The following RUNX1 variants were observed in gnomAD, a reference collection of about 807,000 sequenced individuals.
RUNX1 encodes RUNX family transcription factor 1.
Under a neutral mutation model 42.8 loss-of-function variants are expected in RUNX1, and 19 were observed. The observed-to-expected ratio is 0.44, with a 90% CI of 0.31 to 0.65. The LOEUF (loss-of-function observed/expected upper bound fraction) is 0.65. Ranked by LOEUF, RUNX1 falls within the 30% of genes least tolerant of loss-of-function variation. RUNX1 has a pLI of 0.07. For missense variants in RUNX1, 528 were observed against 672.0 expected (o/e 0.79, Z 2.37); for synonymous variants, 271 against 289.4 (o/e 0.94, Z 0.64).
At chr21:34,957,119 C>T (rs1183864510) in intron 2 of RUNX1, among the ~76,000 whole-genome samples, 1 of 152,216 alleles carries the variant, frequency 6.6e-6, no homozygotes, top group Non-Finnish European at 1.5e-5. Context: ...TGATGCTCAC[C>T]TGACGCATGG....
intron 2 of RUNX1, among the ~76,000 whole-genome samples, chr21:35,032,865 G>A (rs1414165299): frequency 6.6e-6 from 1 of 152,222 alleles, no homozygotes; most frequent in South Asian, 2.1e-4. Context: ...TATGTGAGAG[G>A]AGATCAGTGT....
intron 2 of RUNX1, among the ~76,000 whole-genome samples, chr21:34,998,777 G>A (rs370403666): frequency 1.8e-4 from 27 of 152,234 alleles, no homozygotes; most frequent in East Asian, 9.7e-4. Context: ...TCCTGACCTC[G>A]TGATCCGCCC....
At chr21:34,961,790 T>G (rs537428395) in intron 2 of RUNX1, among the ~76,000 whole-genome samples, 48 of 152,362 alleles carry the variant, frequency 3.2e-4, no homozygotes, top group African/African-American at 1.1e-3. Context: ...TGTTGAAGGA[T>G]TGATTCCTAT....
chr21:34,995,554 C>T (rs1030158217), intron 2 of RUNX1, among the ~76,000 whole-genome samples: 6 of 150,894 alleles, frequency 4.0e-5, no homozygotes, highest in Non-Finnish European at 8.8e-5. Flanking sequence ...GACCCTCCTG[C>T]CTCAGCCTCT....
At chr21:34,844,764 A>G (rs2057292976) in intron 6 of RUNX1, among the ~76,000 whole-genome samples, 1 of 152,196 alleles carries the variant, frequency 6.6e-6, no homozygotes, top group Non-Finnish European at 1.5e-5. Flanking sequence ...GACTTTCCCA[A>G]CAGCAGGGGA....
chr21:34,908,584 C>A (rs148920329), intron 2 of RUNX1, among the ~76,000 whole-genome samples: 328 of 151,842 alleles, frequency 2.2e-3, no homozygotes, highest in African/African-American at 7.2e-3. Context: ...ACAGGGGGGT[C>A]GGGGGAGGTG....
At chr21:34,996,303 G>A (rs946162389) in intron 2 of RUNX1, among the ~76,000 whole-genome samples, 1 of 152,076 alleles carries the variant, frequency 6.6e-6, no homozygotes, top group Non-Finnish European at 1.5e-5. Context: ...ATGAGGAGGA[G>A]GGCTAAATGG....
intron 7 of RUNX1, among the ~76,000 whole-genome samples, chr21:34,803,703 T>G (rs924714168): frequency 7.9e-5 from 12 of 152,184 alleles, no homozygotes; most frequent in African/African-American, 2.7e-4. Flanking sequence ...TAATCATCAA[T>G]AATGGGTAAA....
At chr21:34,909,185 T>C (rs1458377105) in intron 2 of RUNX1, among the ~76,000 whole-genome samples, 2 of 152,032 alleles carry the variant, frequency 1.3e-5, no homozygotes, top group African/African-American at 2.4e-5. Flanking sequence ...CCAGGACCAC[T>C]CTGTGTTCAC....
chr21:34,937,029 T>C (rs901116245), intron 2 of RUNX1, among the ~76,000 whole-genome samples: 9 of 152,102 alleles, frequency 5.9e-5, no homozygotes, highest in Non-Finnish European at 1.3e-4. Context: ...ATTGTATGAC[T>C]GACCTAGGCG....
chr21:34,918,394 A>T (rs2058328477), intron 2 of RUNX1, among the ~76,000 whole-genome samples: 1 of 152,204 alleles, frequency 6.6e-6, no homozygotes, highest in South Asian at 2.1e-4. Context: ...TTGCCAGATT[A>T]ACACTGGTAC....
intron 2 of RUNX1, among the ~76,000 whole-genome samples, chr21:35,005,751 G>GCAGCTGGAAGTCTCCTCCC (rs1250997723): frequency 1.3e-5 from 2 of 152,300 alleles, no homozygotes; most frequent in African/African-American, 4.8e-5. Context: ...GCTTTTGGCT[G>GCAGCTGGAAGTCTCCTCCC]CAGCTGGAAG....
chr21:34,889,405 C>T (rs947278714), intron 3 of RUNX1, among the ~76,000 whole-genome samples: 2 of 152,162 alleles, frequency 1.3e-5, no homozygotes, highest in African/African-American at 4.8e-5. Flanking sequence ...CCGCTGCGCC[C>T]GGGCCGCGGC....
chr21:34,889,220 C>T (rs2058044945), intron 3 of RUNX1, among the ~76,000 whole-genome samples: 1 of 151,902 alleles, frequency 6.6e-6, no homozygotes, highest in South Asian at 2.1e-4. Context: ...GCTTCCAGGG[C>T]GGGGGTGCGA....
At chr21:34,914,359 T>C (rs1432159876) in intron 2 of RUNX1, among the ~76,000 whole-genome samples, 1 of 152,150 alleles carries the variant, frequency 6.6e-6, no homozygotes, top group African/African-American at 2.4e-5. Flanking sequence ...CAGTGGAGCA[T>C]TAGGAACAAG....
chr21:34,899,970 C>T (rs2058164583), intron 2 of RUNX1, among the ~76,000 whole-genome samples: 1 of 152,146 alleles, frequency 6.6e-6, no homozygotes, highest in African/African-American at 2.4e-5. Flanking sequence ...CATAGCAAGA[C>T]CCCATCTCTA....
intron 7 of RUNX1, among the ~76,000 whole-genome samples, chr21:34,803,233 A>C (rs909454977): frequency 6.6e-6 from 1 of 151,722 alleles, no homozygotes; most frequent in Non-Finnish European, 1.5e-5. Flanking sequence ...ATCTCAACCA[A>C]CTCATGTTTC....
intron 2 of RUNX1, among the ~76,000 whole-genome samples, chr21:35,039,448 T>TA (rs1568807555): frequency 2.0e-5 from 3 of 152,140 alleles, no homozygotes; most frequent in African/African-American, 7.2e-5. Flanking sequence ...TTATAGATTT[T>TA]AAAAAATAAA....
In RUNX1 at chr21:35,005,128, G is replaced by GT. The variant is rs11324084; in HGVS notation, c.58+43713dup. Among the ~76,000 whole-genome samples the GT allele has an allele frequency of 4.0e-3, 581 of 147,072 alleles. 5 individuals are homozygous for GT. The highest frequency in any genetic ancestry group is 0.02 in the South Asian group (94 of 4,652). On this transcript the variant is annotated intron_variant, in intron 2 of 8. Coordinates refer to ENST00000675419, the MANE Select transcript of RUNX1 (RefSeq NM_001754.5). ...GTATTCAGAGATCTCCAGAAATCAT[G>GT]TTTTTTTTTTTATTAGAGTTGAATT...
Sources: allele counts gnomAD v4.1 joint callset (sites outside exome capture counted in the v4.1 genomes callset), GRCh38; gene constraint gnomAD v4.1.1; transcripts MANE v1.5; gene names NCBI Gene and HGNC (gene_info 2026-07-23, HGNC 2026-07-21).